Variants in AKAP12 observed in about 807,000 individuals in gnomAD.
AKAP12 encodes A-kinase anchor protein 12.
Under a neutral mutation model 79.9 loss-of-function variants are expected in AKAP12, and 32 were observed. The observed-to-expected ratio is 0.40, with a 90% confidence interval of 0.30 to 0.54. The LOEUF is 0.54. Among genes scored for constraint, AKAP12 ranks in the 20% least tolerant of loss-of-function variants. The pLI is 0.48. For synonymous variants in AKAP12, 808 were observed against 857.0 expected (o/e 0.94, Z 1.00); for missense variants, 2,074 against 2,177.0 (o/e 0.95, Z 0.94).
chr6:151,247,673 C>T (rs995519853), intron 2 of AKAP12, among the ~76,000 whole-genome samples: 2 of 152,128 alleles, frequency 1.3e-5, no homozygotes, highest in African/African-American at 4.8e-5. Context: ...GGTCATGATC[C>T]GTGAAATGTT....
At chr6:151,315,898 C>T (rs1582875998) in intron 3 of AKAP12, among the ~76,000 whole-genome samples, 1 of 152,196 alleles carries the variant, frequency 6.6e-6, no homozygotes, top group African/African-American at 2.4e-5. Flanking sequence ...GGAAGAACCC[C>T]TTATAAAACC....
At position 151,324,598 on chromosome 6, in the gene AKAP12, A is replaced by G. The variant is rs1777478525; in HGVS notation, c.319+18695A>G. 4 of 985,286 alleles carry G rather than the reference A, an allele frequency of 4.1e-6. No homozygotes were observed. The African/African-American group carries it at 7.0e-5, about 17-fold the overall frequency. 61.0% of individuals were successfully genotyped at this position (985,286 alleles called of 1,614,324 possible). Reference sequence around the variant, plus strand: ...TAATGAACAAGATCTTCATTCTCTGAAGAGAAGTGCAATAGTAAAACTTTC... The same window carrying G: ...TAATGAACAAGATCTTCATTCTCTGGAGAGAAGTGCAATAGTAAAACTTTC... On this transcript the variant is annotated intron_variant, in intron 3 of 4. Transcript: ENST00000402676.
chr6:151,293,979 C>CTT (rs58851343), intron 2 of AKAP12, among the ~76,000 whole-genome samples: 3 of 145,902 alleles, frequency 2.1e-5, no homozygotes, highest in African/African-American at 5.0e-5. Flanking sequence ...AGTTCTTCTT[C>CTT]TTTTTTTTTT....
At chr6:151,337,598 C>T (rs1360544678) in intron 3 of AKAP12, among the ~76,000 whole-genome samples, 2 of 151,698 alleles carry the variant, frequency 1.3e-5, no homozygotes, top group Admixed American at 6.6e-5. Flanking sequence ...AACACCCATA[C>T]CCTTTACTCA....
chr6:151,268,534 C>G (rs2114708058), intron 2 of AKAP12, among the ~76,000 whole-genome samples: 1 of 152,304 alleles, frequency 6.6e-6, no homozygotes, highest in South Asian at 2.1e-4. Context: ...GTTCTTTTTG[C>G]TTACAAGGGA....
Position 151,350,818 on chromosome 6 carries a change from G to A in AKAP12, c.2427G>A (p.Lys809=), listed in dbSNP as rs1778263763. 6.2e-7 allele frequency: 1 copy of A among 1,613,920 alleles called. No individual in the cohort carries two copies. Among genetic ancestry groups the A allele is most frequent in the Admixed American group, 1.7e-5 (1 of 59,994 alleles). ...AAGAATCCTGGGTCTCAATCAAGAA[G>A]TTTATTCCTGGACGAAGGAAGAAAA... The part of the protein sequence containing the change: ...GKEESWVSIK[K]FIPGRRKKRP... The change falls in exon 4 of 5, where the codon AAG becomes AAA. Residue 809 remains lysine (K), a synonymous_variant. Transcript: ENST00000402676. The surrounding 1 kb of genome is among the most constrained non-coding windows in gnomAD (Gnocchi z 4.8).
chr6:151,342,620 T>G (rs1890135), intron 3 of AKAP12, among the ~76,000 whole-genome samples: 103,829 of 152,050 alleles, frequency 0.68, 35,982 homozygotes, highest in Non-Finnish European at 0.73. Context: ...GGATTACTTA[T>G]GTTAAAAGAG....
At chr6:151,274,409 T>G (rs1376988198) in intron 2 of AKAP12, among the ~76,000 whole-genome samples, 2 of 150,970 alleles carry the variant, frequency 1.3e-5, no homozygotes, top group African/African-American at 2.4e-5. Context: ...CACCTGGGGG[T>G]GTGGTGATGG....
At chr6:151,310,736 A>G (rs1421746515) in intron 3 of AKAP12, among the ~76,000 whole-genome samples, 1 of 152,232 alleles carries the variant, frequency 6.6e-6, no homozygotes, top group Non-Finnish European at 1.5e-5. Context: ...TTTGAAATAA[A>G]GTGTCTGCAA....
At position 151,305,893 on chromosome 6, in the gene AKAP12, T is replaced by C; in HGVS notation, c.309T>C (p.Ile103=). 1 of 1,609,826 alleles carries C rather than the reference T, an allele frequency of 6.2e-7. No individual in the cohort carries two copies. The change falls in exon 3 of 5, where the codon ATT becomes ATC. Residue 103 remains isoleucine, a synonymous_variant. Coordinates refer to ENST00000402676, the MANE Select transcript of AKAP12 (RefSeq NM_005100.4). ...ACAGCCAGGAGGAAGAAGAAGTCAT[T>C]GTCACAGAGGGTAAGCCGCCCCTCC... is the stretch of plus-strand genomic sequence containing the variant. ...ALNSQEEEEV[I]VTEVGQRDSE...
chr6:151,336,845 T>C (rs1489044579), intron 3 of AKAP12, among the ~76,000 whole-genome samples: 2 of 152,242 alleles, frequency 1.3e-5, no homozygotes, highest in Admixed American at 6.5e-5. Flanking sequence ...TTTGTATGTT[T>C]CTTTGCCGTT....
At chr6:151,331,897 A>G (rs1274390467) in intron 3 of AKAP12, among the ~76,000 whole-genome samples, 1 of 151,526 alleles carries the variant, frequency 6.6e-6, no homozygotes, top group African/African-American at 2.4e-5. Context: ...AAAAAAAAAA[A>G]AAAAGTTTTG....
chr6:151,272,214 G>A (rs943855527), intron 2 of AKAP12, among the ~76,000 whole-genome samples: 5 of 151,742 alleles, frequency 3.3e-5, no homozygotes, highest in African/African-American at 4.8e-5. Context: ...GTGTGGTGGT[G>A]CAGGCCTGTA....
intron 2 of AKAP12, among the ~76,000 whole-genome samples, chr6:151,250,541 G>A (rs965255307): frequency 1.3e-5 from 2 of 151,560 alleles, no homozygotes; most frequent in Non-Finnish European, 2.9e-5. Context: ...AATGGGAATC[G>A]TGTGTTCTTT....
At chr6:151,325,939 CG>C in intron 3 of AKAP12, 2 of 1,613,602 alleles carry the variant, frequency 1.2e-6, no homozygotes, top group African/African-American at 2.7e-5. Flanking sequence ...GCACGGGGCA[CG>C]AAAAGGGGCT....
intron 3 of AKAP12, chr6:151,348,277 A>G (rs185570121): frequency 9.1e-6 from 4 of 437,756 alleles, no homozygotes; most frequent in East Asian, 7.0e-5. Context: ...GTGAACCGAG[A>G]TCGTGCCACT....
In AKAP12 at chr6:151,272,351, A is replaced by AC. The variant is rs1249133218; in HGVS notation, c.162+31627_162+31628insC. On this transcript the variant is annotated intron_variant, in intron 2 of 4. Coordinates refer to ENST00000402676, the MANE Select transcript of AKAP12 (RefSeq NM_005100.4). ...CACAGTGAGACCCTGTTTCAAAAAA[A>AC]AAAAAAAACAAAAAAAACAGTGGGG... 4.6e-5 allele frequency among the ~76,000 whole-genome samples: 7 copies of AC among 151,356 alleles called. No individual in the cohort carries two copies. The East Asian group carries it at 1.4e-3, about 29-fold the overall frequency.
In AKAP12 at chr6:151,352,286, G is replaced by T; in HGVS notation, c.3895G>T (p.Val1299Phe). ...DTGITVSREKVTEVALKGEGT... is the reference protein window; with the variant it reads ...DTGITVSREKFTEVALKGEGT... ...AGGCATAACAGTCAGTCGGGAAAAG[G>T]TCACTGAAGTTGCCCTTAAAGGTGA... is the stretch of plus-strand genomic sequence containing the variant. Residue 1299 changes from valine to phenylalanine, a missense_variant, in exon 4 of 5, where the codon GTC (valine) becomes TTC (phenylalanine). Coordinates refer to ENST00000402676, the MANE Select transcript of AKAP12 (RefSeq NM_005100.4). 6.2e-7 allele frequency: 1 copy of T among 1,614,202 alleles called. No individual in the cohort carries two copies. The highest frequency in any genetic ancestry group is 8.5e-7 in the Non-Finnish European group (1 of 1,180,038).
In AKAP12 at chr6:151,349,323, CCA is replaced by C; in HGVS notation, c.933_934del (p.Ser312PhefsTer8). ...GGTTGGGCCGGCTGGCGCAAAAAGA[CCA>C]GTTTCAGGAAGCCGAAGGAGGATGA... On this transcript the variant is annotated frameshift_variant, in exon 4 of 5. Coordinates refer to ENST00000402676, the MANE Select transcript of AKAP12 (RefSeq NM_005100.4). LOFTEE classifies it high-confidence loss of function. 6.2e-7 allele frequency: 1 copy of C among 1,613,838 alleles called. No individual in the cohort carries two copies. The highest frequency in any genetic ancestry group is 8.5e-7 in the Non-Finnish European group (1 of 1,179,964).
Sources: gnomAD v4.1 joint callset for allele counts (sites outside exome capture counted in the v4.1 genomes callset) on GRCh38, gnomAD v4.1.1 for gene constraint, Gnocchi (gnomAD v3.1) non-coding constraint, MANE v1.5 for transcripts, NCBI Gene and HGNC (gene_info 2026-07-23, HGNC 2026-07-21) for gene names.